Variants in PPM1E observed in about 807,000 individuals in gnomAD.
PPM1E encodes the protein protein phosphatase, Mg2+/Mn2+ dependent 1E.
In PPM1E, 20 loss-of-function variants were observed where a neutral mutation model predicts 65.9. The observed-to-expected ratio is 0.30, with a 90% CI of 0.21 to 0.44. PPM1E has a LOEUF of 0.44. Ranked by LOEUF, PPM1E falls within the 20% of genes least tolerant of loss-of-function variation. PPM1E has a pLI of 1.00. For synonymous variants in PPM1E, 352 were observed against 374.9 expected (o/e 0.94, Z 0.70); for missense variants, 713 against 953.1 (o/e 0.75, Z 3.32).
intron 1 of PPM1E, among the ~76,000 whole-genome samples, chr17:58,898,515 G>A (rs2051453609): frequency 6.6e-6 from 1 of 152,156 alleles, no homozygotes; most frequent in Non-Finnish European, 1.5e-5. Flanking sequence ...AACAACAGGT[G>A]CTGGAGAGGA....
intron 1 of PPM1E, among the ~76,000 whole-genome samples, chr17:58,863,467 G>A (rs1403024578): frequency 6.6e-6 from 1 of 152,222 alleles, no homozygotes; most frequent in Non-Finnish European, 1.5e-5. Flanking sequence ...TTTTAGCTCT[G>A]CCATCTGGAG....
chr17:58,822,994 G>C (rs548906827), intron 1 of PPM1E, among the ~76,000 whole-genome samples: 1 of 152,256 alleles, frequency 6.6e-6, no homozygotes, highest in Non-Finnish European at 1.5e-5. Flanking sequence ...TGTCAAGAGA[G>C]CTGACTTATA....
intron 1 of PPM1E, among the ~76,000 whole-genome samples, chr17:58,879,977 AT>A (rs1480109505): frequency 6.6e-6 from 1 of 152,210 alleles, no homozygotes; most frequent in Non-Finnish European, 1.5e-5. Flanking sequence ...ATACAAATGT[AT>A]TTAATACAAA....
intron 1 of PPM1E, among the ~76,000 whole-genome samples, chr17:58,901,733 T>A (rs549097419): frequency 3.7e-4 from 56 of 151,734 alleles, no homozygotes; most frequent in Non-Finnish European, 7.7e-4. Context: ...TCCCAGCACT[T>A]TGGGAGGCTG....
intron 1 of PPM1E, among the ~76,000 whole-genome samples, chr17:58,834,434 G>C (rs935254161): frequency 6.6e-6 from 1 of 151,920 alleles, no homozygotes; most frequent in African/African-American, 2.4e-5. Context: ...TCCTTTATGG[G>C]TTGTACTTTT....
chr17:58,975,001 C>G (rs951099125), intron 6 of PPM1E, among the ~76,000 whole-genome samples: 1 of 152,132 alleles, frequency 6.6e-6, no homozygotes, highest in African/African-American at 2.4e-5. Context: ...AAAATATACC[C>G]TTATATGGAA....
chr17:58,930,276 C>G (rs1181670910), intron 1 of PPM1E, among the ~76,000 whole-genome samples: 1 of 151,542 alleles, frequency 6.6e-6, no homozygotes, highest in Non-Finnish European at 1.5e-5. Flanking sequence ...CACACACACA[C>G]ACACACACAG....
chr17:58,869,738 G>A (rs1024369109), intron 1 of PPM1E, among the ~76,000 whole-genome samples: 6 of 152,110 alleles, frequency 3.9e-5, no homozygotes, highest in Non-Finnish European at 7.3e-5. Context: ...TGTTGATGTT[G>A]TATTTTGTTC....
chr17:58,842,269 C>T (rs929533297), intron 1 of PPM1E, among the ~76,000 whole-genome samples: 3 of 152,106 alleles, frequency 2.0e-5, no homozygotes, highest in African/African-American at 4.8e-5. Flanking sequence ...CCTAAGGAGA[C>T]GCGACAAGTA....
At chr17:58,908,584 C>T (rs147374945) in intron 1 of PPM1E, among the ~76,000 whole-genome samples, 7,489 of 151,846 alleles carry the variant, frequency 0.049, 272 homozygotes, top group Middle Eastern at 0.085. Context: ...GGATTATAGA[C>T]GCCCACCACC....
chr17:58,972,084 G>T, intron 4 of PPM1E, 48 bp from the exon 5 acceptor site: 1 of 1,552,022 alleles, frequency 6.4e-7, no homozygotes, highest in Non-Finnish European at 8.8e-7. Context: ...TAAGAATGTA[G>T]TATCTATTTC....
intron 1 of PPM1E, among the ~76,000 whole-genome samples, chr17:58,848,096 C>A (rs2050789474): frequency 6.6e-6 from 1 of 151,980 alleles, no homozygotes; most frequent in Admixed American, 6.6e-5. Flanking sequence ...TATAGGAATG[C>A]TTGTTGTGAT....
intron 1 of PPM1E, among the ~76,000 whole-genome samples, chr17:58,930,266 C>G (rs1474980876): frequency 2.0e-5 from 3 of 151,502 alleles, no homozygotes; most frequent in African/African-American, 7.3e-5. Context: ...CACACACACA[C>G]ACACACACAC....
intron 1 of PPM1E, among the ~76,000 whole-genome samples, chr17:58,882,389 CA>C (rs1322666927): frequency 4.6e-5 from 7 of 151,752 alleles, no homozygotes; most frequent in African/African-American, 1.7e-4. Flanking sequence ...ATATTTTTAG[CA>C]ACTTGCATTT....
At chr17:58,935,786 T>C (rs1352459773) in intron 1 of PPM1E, among the ~76,000 whole-genome samples, 1 of 152,184 alleles carries the variant, frequency 6.6e-6, no homozygotes, top group Non-Finnish European at 1.5e-5. Flanking sequence ...ATTATACTGT[T>C]AGCAGCAGTA....
intron 1 of PPM1E, among the ~76,000 whole-genome samples, chr17:58,799,637 T>C (rs2050240555): frequency 6.6e-6 from 1 of 152,214 alleles, no homozygotes; most frequent in African/African-American, 2.4e-5. Context: ...AGAGATGGGG[T>C]TTCACTGTGT....
At chr17:58,844,447 T>C (rs1016901535) in intron 1 of PPM1E, among the ~76,000 whole-genome samples, 3 of 152,172 alleles carry the variant, frequency 2.0e-5, no homozygotes, top group African/African-American at 7.2e-5. Context: ...CAGAAGAGAT[T>C]AAAAACTATC....
intron 1 of PPM1E, among the ~76,000 whole-genome samples, chr17:58,952,386 A>G (rs1238256569): frequency 2.0e-5 from 3 of 152,206 alleles, no homozygotes; most frequent in Admixed American, 2.0e-4. Context: ...GGGTGCAGGC[A>G]CACAGTTTCT....
intron 3 of PPM1E, among the ~76,000 whole-genome samples, chr17:58,968,372 C>T (rs549844597): frequency 6.6e-5 from 10 of 152,296 alleles, no homozygotes; most frequent in African/African-American, 2.2e-4. Context: ...TTACAATGAT[C>T]TGTGATCATG....
Sources: allele counts gnomAD v4.1 joint callset (sites outside exome capture counted in the v4.1 genomes callset), GRCh38; gene constraint gnomAD v4.1.1; transcripts MANE v1.5; gene names NCBI Gene and HGNC (gene_info 2026-07-23, HGNC 2026-07-21).